The following DNAAF10 variants were observed in gnomAD, a reference collection of about 807,000 sequenced individuals.
DNAAF10 encodes the protein dynein axonemal assembly factor 10.
Under a neutral mutation model 43.7 loss-of-function variants are expected in DNAAF10, and 28 were observed. That is an observed-to-expected ratio of 0.64 (90% CI 0.48 to 0.88). DNAAF10 has a LOEUF of 0.88. Ranked by LOEUF, DNAAF10 falls within the 40% of genes least tolerant of loss-of-function variation. The pLI, the probability that DNAAF10 is intolerant of heterozygous loss-of-function variation, is 0.00. For missense variants in DNAAF10, 403 were observed against 439.1 expected (o/e 0.92, Z 0.73); for synonymous variants, 156 against 157.3 (o/e 0.99, Z 0.06).
chr2:68,137,384 A>G lies in DNAAF10; in HGVS notation c.683T>C (p.Val228Ala). ...DRKDISMNKL[V>A]ATSLEGKFHV... ...GAACTTTCCTTCCAGAGATGTGGCTACTAACTTATTCATACTTATGTCTTT... is the reference window on the plus strand; with the variant it reads ...GAACTTTCCTTCCAGAGATGTGGCTGCTAACTTATTCATACTTATGTCTTT... Residue 228 changes from valine (V) to alanine (A), a missense_variant, in exon 6 of 8, where the codon GTA (valine) becomes GCA (alanine). By Grantham distance (64) the Val-to-Ala change is moderately conservative. Coordinates refer to ENST00000295121, the MANE Select transcript of DNAAF10 (RefSeq NM_138458.4). 6.2e-7 allele frequency: 1 copy of G among 1,613,712 alleles called. No homozygotes were observed. The highest frequency in any genetic ancestry group is 1.7e-5 in the Admixed American group (1 of 59,976).
At chr2:68,156,912 G>C (rs780388514) in intron 1 of DNAAF10, 7 of 312,334 alleles carry the variant, frequency 2.2e-5, no homozygotes, top group Non-Finnish European at 3.0e-5. Flanking sequence ...AACTCCATGA[G>C]ATGGGGGACA....
intron 5 of DNAAF10, among the ~76,000 whole-genome samples, chr2:68,138,395 T>TGG (rs961180118): frequency 3.9e-5 from 6 of 152,118 alleles, no homozygotes; most frequent in African/African-American, 1.4e-4. Context: ...AAATCTGAGC[T>TGG]GGGGAGGTGA....
chr2:68,133,999 CCT>C (rs760034001), intron 7 of DNAAF10: 5 of 418,056 alleles, frequency 1.2e-5, no homozygotes, highest in Non-Finnish European at 1.6e-5. Context: ...CTGTTTTTTC[CCT>C]GAGTGATGTT....
chr2:68,138,929 A>C, intron 4 of DNAAF10, 72 bp from the exon 5 acceptor site: 1 of 1,063,138 alleles, frequency 9.4e-7, no homozygotes, highest in Non-Finnish European at 1.4e-6. Context: ...AAAAAGTCTT[A>C]TGAAACTAAC....
At chr2:68,134,464 GAC>G in intron 7 of DNAAF10, 1 of 1,288,412 alleles carries the variant, frequency 7.8e-7, no homozygotes, top group Non-Finnish European at 9.8e-7. Flanking sequence ...ATACTTAGAA[GAC>G]ACAACTAAAA....
chr2:68,141,595 C>G, intron 4 of DNAAF10, 99 bp downstream of exon 4: 1 of 1,148,466 alleles, frequency 8.7e-7, no homozygotes, highest in Non-Finnish European at 1.3e-6. Context: ...TTAGAATAAT[C>G]CACAAAACAG....
At chr2:68,157,215 C>T in intron 1 of DNAAF10, 46 bp downstream of exon 1, 1 of 1,575,576 alleles carries the variant, frequency 6.3e-7, no homozygotes, top group Non-Finnish European at 8.6e-7. Context: ...CCCCAGGATC[C>T]GCACTCGCCC....
rs139979268 is a variant in DNAAF10, at chr2:68,156,822, T to C, written c.183+439A>G. ...ATTGAACCGTAACCGTGTTCCTTTG[T>C]GTGAGACAACTCATCTCGGTTTGTA... On this transcript the variant is annotated intron_variant, in intron 1 of 7. Transcript: ENST00000295121. The C allele has an allele frequency of 1.0e-4, 19 of 189,718 alleles. No homozygotes were observed. The East Asian group carries it at 2.3e-3, about 23-fold the overall frequency. The allele number at this position is 189,718 out of a possible 1,614,324, so 11.8% of individuals were successfully genotyped here.
rs577967835 is a variant in DNAAF10 at position 68,132,178 on chromosome 2, T to A, written c.867-733A>T. 9.5e-4 allele frequency among the ~76,000 whole-genome samples: 145 copies of A among 152,330 alleles called. 1 individual carries two copies. The highest frequency in any genetic ancestry group is 3.3e-3 in the African/African-American group (136 of 41,582). On this transcript the variant is annotated intron_variant, in intron 7 of 7. Transcript: ENST00000295121. Reference sequence around the variant, plus strand: ...CTCCTCCCCAATAGAGATGTGTTCCTAATAAAATACAAAAGTATCACTCCT... The same window carrying A: ...CTCCTCCCCAATAGAGATGTGTTCCAAATAAAATACAAAAGTATCACTCCT...
chr2:68,139,150 G>T (rs1304862821), intron 4 of DNAAF10, among the ~76,000 whole-genome samples: 1 of 152,134 alleles, frequency 6.6e-6, no homozygotes, highest in African/African-American at 2.4e-5. Context: ...GGAGGTGCTG[G>T]GTCATGGGGC....
intron 1 of DNAAF10, among the ~76,000 whole-genome samples, chr2:68,155,646 CAGT>C (rs1673579454): frequency 6.6e-6 from 1 of 151,810 alleles, no homozygotes; most frequent in Admixed American, 6.6e-5. Flanking sequence ...TGAGCTATGA[CAGT>C]AGCACTGCAC....
At chr2:68,138,639 G>A (rs1673101882) in intron 5 of DNAAF10, 103 bp downstream of exon 5, 2 of 800,224 alleles carry the variant, frequency 2.5e-6, no homozygotes, top group Admixed American at 4.5e-5. Flanking sequence ...TTGGCAGAGG[G>A]GTTGACTCAG....
Position 68,157,301 on chromosome 2 carries a change from A to T in DNAAF10, c.143T>A (p.Leu48Gln). 6.2e-7 allele frequency: 1 copy of T among 1,614,138 alleles called. No homozygotes were observed. The highest frequency in any genetic ancestry group is 8.5e-7 in the Non-Finnish European group (1 of 1,180,024). The change falls in exon 1 of 8, where the codon CTG (leucine) becomes CAG (glutamine). Residue 48 changes from leucine (L) to glutamine (Q), a missense_variant. Physicochemically the swap from Leu to Gln is moderately radical, Grantham distance 113 (BLOSUM62 -2). Coordinates refer to ENST00000295121, the MANE Select transcript of DNAAF10 (RefSeq NM_138458.4). ...CAGGTCCCCGTGCTGGATCTCGTAC[A>T]GCTGAATGACGCCGGTGCCCCGTGC... is the stretch of plus-strand genomic sequence containing the variant. The part of the protein sequence containing the change: ...NFARGTGVIQ[L>Q]YEIQHGDLKL...
At chr2:68,142,236 T>C (rs1353278805) in intron 3 of DNAAF10, among the ~76,000 whole-genome samples, 1 of 152,170 alleles carries the variant, frequency 6.6e-6, no homozygotes, top group Non-Finnish European at 1.5e-5. Flanking sequence ...TTATGTGAGT[T>C]CTAGAATACT....
Position 68,134,815 on chromosome 2 carries a change from G to A in DNAAF10, c.769-16C>T. 1 of 1,613,254 alleles carries A rather than the reference G, an allele frequency of 6.2e-7. No homozygotes were observed. The highest frequency in any genetic ancestry group is 8.5e-7 in the Non-Finnish European group (1 of 1,179,770). ...ATTTATGAGCCTAAATAGAACAAGA[G>A]GCATACAACTGGTTTATATGCTAAA... On this transcript the variant is annotated splice_polypyrimidine_tract_variant and intron_variant, in intron 6 of 7. Transcript: ENST00000295121.
rs1336120146 is a variant in DNAAF10 at position 68,157,459 on chromosome 2, A to G, written c.-16T>C. On this transcript the variant is annotated 5_prime_UTR_variant, in exon 1 of 8. Coordinates refer to ENST00000295121, the MANE Select transcript of DNAAF10 (RefSeq NM_138458.4). Reference sequence around the variant, plus strand: ...AGGCCGACATGGTGCAGCCAATTTCAGCTACGGCAACCGCCACACCCAGAG... The same window carrying G: ...AGGCCGACATGGTGCAGCCAATTTCGGCTACGGCAACCGCCACACCCAGAG... 1 of 1,613,836 alleles carries G rather than the reference A, an allele frequency of 6.2e-7. No individual in the cohort carries two copies. Among genetic ancestry groups the G allele is most frequent in the East Asian group, 2.2e-5 (1 of 44,876 alleles).
At chr2:68,132,116 C>T (rs890874743) in intron 7 of DNAAF10, 1 of 152,240 alleles carries the variant, frequency 6.6e-6, no homozygotes, top group African/African-American at 2.4e-5. Flanking sequence ...AGTCATAAAT[C>T]CTATTTGGTC....
In DNAAF10 at chr2:68,144,577, G is replaced by A; in HGVS notation, c.415+8C>T. Reference sequence around the variant, plus strand: ...AATAAACAAAATACATAGAATACAGGGACTCACCATCTCGGCTGCCAGTCA... The same window carrying A: ...AATAAACAAAATACATAGAATACAGAGACTCACCATCTCGGCTGCCAGTCA... On this transcript the variant is annotated splice_region_variant and intron_variant, in intron 3 of 7. Coordinates refer to ENST00000295121, the MANE Select transcript of DNAAF10 (RefSeq NM_138458.4). The A allele has an allele frequency of 6.2e-7, 1 of 1,613,318 alleles. No individual in the cohort carries two copies. Among genetic ancestry groups the A allele is most frequent in the Non-Finnish European group, 8.5e-7 (1 of 1,179,834 alleles).
intron 1 of DNAAF10, among the ~76,000 whole-genome samples, chr2:68,155,655 T>C (rs1271307422): frequency 6.6e-6 from 1 of 151,840 alleles, no homozygotes; most frequent in Non-Finnish European, 1.5e-5. Flanking sequence ...ACAGTAGCAC[T>C]GCACTCCGGA....
Sources: allele counts gnomAD v4.1 joint callset (sites outside exome capture counted in the v4.1 genomes callset), GRCh38; gene constraint gnomAD v4.1.1; transcripts MANE v1.5; gene names NCBI Gene and HGNC (gene_info 2026-07-23, HGNC 2026-07-21).